Variants in SYN1 observed in about 807,000 individuals in gnomAD.
The protein encoded by SYN1 is synapsin I.
SYN1 carries 8 observed loss-of-function variants against 44.6 expected under a neutral mutation model. The ratio of observed to expected loss-of-function variants is 0.18; its 90% CI spans 0.11 to 0.32. SYN1 has a LOEUF of 0.32. Among genes scored for constraint, SYN1 ranks in the 10% least tolerant of loss-of-function variants. The pLI, the probability that SYN1 is intolerant of heterozygous loss-of-function variation, is 1.00. For missense variants in SYN1, 451 were observed against 639.4 expected, an observed-to-expected ratio of 0.71 and a Z score of 3.18; for synonymous variants, 275 against 280.1, an observed-to-expected ratio of 0.98 and a Z score of 0.18.
chrX:47,605,178 G>T, intron 4 of SYN1, 45 bp downstream of exon 4: 2 of 1,205,550 alleles, frequency 1.7e-6, no homozygotes, highest in Non-Finnish European at 2.2e-6. Context: ...CCACATACAT[G>T]CATGAGCTGT....
chrX:47,584,953 G>A (rs145937340), intron 5 of SYN1: 27 of 1,208,950 alleles, frequency 2.2e-5, no homozygotes, highest in African/African-American at 2.1e-4. Context: ...GGCCAAGTTC[G>A]TGGGGACACC....
At chrX:47,606,557 C>G (rs1004068370) in intron 3 of SYN1, among the ~76,000 whole-genome samples, 2 of 107,975 alleles carry the variant, frequency 1.9e-5, no homozygotes, top group Non-Finnish European at 3.8e-5. Context: ...GGACCCCCCC[C>G]ATCTCTACAA....
At chrX:47,585,961 G>C (rs754194589) in intron 5 of SYN1, 1 of 1,069,117 alleles carries the variant, frequency 9.4e-7, no homozygotes, top group Middle Eastern at 2.6e-4. Flanking sequence ...CTGAGCCCCC[G>C]GGATTGTTTC....
intron 1 of SYN1, among the ~76,000 whole-genome samples, chrX:47,610,682 C>T (rs776344332): frequency 1.8e-5 from 2 of 110,325 alleles, no homozygotes; most frequent in African/African-American, 6.6e-5. Context: ...GGTGTGCTCT[C>T]CCAGGATACG....
At chrX:47,585,156 T>G (rs1433268737) in intron 5 of SYN1, 2 of 1,165,284 alleles carry the variant, frequency 1.7e-6, no homozygotes, top group African/African-American at 3.6e-5. Flanking sequence ...GAACCTGGAG[T>G]GGGAGGATTA....
At position 47,598,782 on chromosome X, in the gene SYN1, G is replaced by A. The variant is rs778353650; in HGVS notation, c.774+6196C>T. Among the ~76,000 whole-genome samples the A allele has an allele frequency of 4.8e-3, 530 of 111,316 alleles. 2 individuals carry two copies. The highest frequency in any genetic ancestry group is 0.016 in the African/African-American group (503 of 30,686). Reference sequence around the variant, plus strand: ...GTGGAGGTTGCAGTGAGCCGAGATCGTGCCACTGCACTCCAGCCTGGGTGA... The same window carrying A: ...GTGGAGGTTGCAGTGAGCCGAGATCATGCCACTGCACTCCAGCCTGGGTGA... On this transcript the variant is annotated intron_variant, in intron 5 of 12. Transcript: ENST00000295987.
At chrX:47,593,949 T>C (rs2057856022) in intron 5 of SYN1, among the ~76,000 whole-genome samples, 2 of 112,177 alleles carry the variant, frequency 1.8e-5, no homozygotes, top group African/African-American at 6.5e-5. Context: ...AAATCAGCAT[T>C]ACCAGGCGTG....
At chrX:47,603,936 T>G (rs1399879010) in intron 5 of SYN1, among the ~76,000 whole-genome samples, 1 of 103,138 alleles carries the variant, frequency 9.7e-6, no homozygotes, top group Non-Finnish European at 2.0e-5. Context: ...AGATGGAGTT[T>G]CGCTCTTGTT....
intron 5 of SYN1, among the ~76,000 whole-genome samples, chrX:47,582,777 C>T (rs1335016279): frequency 1.0e-5 from 1 of 95,544 alleles, no homozygotes; most frequent in African/African-American, 3.9e-5. Flanking sequence ...AAATTTCCCT[C>T]ATCGCCCCCT....
chrX:47,609,382 GGGCTGA>G lies in SYN1; in HGVS notation c.378-2190_378-2185del, dbSNP rs201207196. Among the ~76,000 whole-genome samples, 563 of 111,938 alleles carry G rather than the reference GGGCTGA, an allele frequency of 5.0e-3. 3 individuals carry two copies. Among genetic ancestry groups the G allele is most frequent in the African/African-American group, 0.018 (541 of 30,802 alleles). On this transcript the variant is annotated intron_variant, in intron 1 of 12. Transcript: ENST00000295987. Reference sequence around the variant, plus strand: ...AAGGCCAGCCTCCTTGCCTCAATCTGGGCTGACTCTGAAGGACCCTCCCAGCCCCAG... The same window carrying G: ...AAGGCCAGCCTCCTTGCCTCAATCTGCTCTGAAGGACCCTCCCAGCCCCAG...
chrX:47,611,048 G>A (rs1004596168), intron 1 of SYN1, among the ~76,000 whole-genome samples: 2 of 111,331 alleles, frequency 1.8e-5, no homozygotes, highest in Non-Finnish European at 3.8e-5. Flanking sequence ...GACCCACCCA[G>A]TGGTCACTTC....
At chrX:47,599,246 T>C (rs1358936176) in intron 5 of SYN1, among the ~76,000 whole-genome samples, 3 of 112,024 alleles carry the variant, frequency 2.7e-5, no homozygotes, top group Admixed American at 1.9e-4. Context: ...AATTAAACAC[T>C]GCGATTAACC....
In SYN1 at chrX:47,582,027, C is replaced by A. The variant is rs192015682; in HGVS notation, c.775-4526G>T. Among the ~76,000 whole-genome samples the A allele has an allele frequency of 2.7e-5, 3 of 112,817 alleles. No homozygotes were observed. In the East Asian group the frequency reaches 8.4e-4, roughly 32 times the overall value. ...ATACAAAACAAGGGATTTTTGTGTG[C>A]TTGGCACACAGTAGATGCACAATAA... On this transcript the variant is annotated intron_variant, in intron 5 of 12. Transcript: ENST00000295987.
intron 5 of SYN1, among the ~76,000 whole-genome samples, chrX:47,595,461 G>A (rs1328979226): frequency 1.8e-5 from 2 of 111,351 alleles, no homozygotes; most frequent in Non-Finnish European, 3.8e-5. Context: ...CTATCCTCCA[G>A]GTAGATAGTG....
Position 47,572,667 on chromosome X carries a change from C to T in SYN1, c.*197G>A. The T allele has an allele frequency of 2.0e-6, 1 of 509,006 alleles. No homozygotes were observed. Among genetic ancestry groups the T allele is most frequent in the Non-Finnish European group, 3.2e-6 (1 of 314,848 alleles). 41.9% of individuals were successfully genotyped at this position (509,006 alleles called of 1,213,427 possible). ...GGGGTTCTAAAAGGACTTGGGGATT[C>T]CACATGTGAGAACCGGATTTAGGGC... is the stretch of plus-strand genomic sequence containing the variant. On this transcript the variant is annotated 3_prime_UTR_variant, in exon 13 of 13. Coordinates refer to ENST00000295987, the MANE Select transcript of SYN1 (RefSeq NM_006950.3).
rs923983723 is a variant in SYN1, at chrX:47,578,674, C to T, written c.775-1173G>A. Among the ~76,000 whole-genome samples the T allele has an allele frequency of 1.6e-4, 18 of 111,456 alleles. 1 individual carries two copies. Among genetic ancestry groups the T allele is most frequent in the Middle Eastern group, 4.3e-3 (1 of 235 alleles). ...GGTAGAGGAAACCAGGTTGGACGGC[C>T]CTAGGCTCCCCGCTCCCTCCACCCC... On this transcript the variant is annotated intron_variant, in intron 5 of 12. Coordinates refer to ENST00000295987, the MANE Select transcript of SYN1 (RefSeq NM_006950.3).
chrX:47,594,996 G>A (rs1034019712), intron 5 of SYN1, among the ~76,000 whole-genome samples: 25 of 111,100 alleles, frequency 2.3e-4, no homozygotes, highest in Admixed American at 1.8e-3. Context: ...CAAAGTGCTG[G>A]GATTACAGGT....
chrX:47,577,105 T>G (rs1360880274), intron 6 of SYN1, among the ~76,000 whole-genome samples: 1 of 110,179 alleles, frequency 9.1e-6, no homozygotes, highest in Non-Finnish European at 1.9e-5. Context: ...CTTTGGAACA[T>G]AAAAGATCAC....
At chrX:47,575,339 G>A (rs1358539254) in intron 9 of SYN1, 65 bp from the exon 10 acceptor site, 9 of 1,162,534 alleles carry the variant, frequency 7.7e-6, no homozygotes, top group East Asian at 3.1e-5. Flanking sequence ...CAGTAACACC[G>A]TGCTTTCAGT....
Sources: gnomAD v4.1 joint callset for allele counts (sites outside exome capture counted in the v4.1 genomes callset) on GRCh38, gnomAD v4.1.1 for gene constraint, MANE v1.5 for transcripts, NCBI Gene and HGNC (gene_info 2026-07-23, HGNC 2026-07-21) for gene names.